ADGRE1: variants seen among roughly 807,000 people sequenced by gnomAD.
The protein encoded by ADGRE1 is EGF-like module receptor 1.
In ADGRE1, 82 loss-of-function variants were observed where a neutral mutation model predicts 102.7. That is an observed-to-expected ratio of 0.80 (90% CI 0.67 to 0.96). ADGRE1 has a LOEUF of 0.96. Among genes scored for constraint, ADGRE1 ranks in the 40% least tolerant of loss-of-function variants. The pLI, the probability that ADGRE1 is intolerant of heterozygous loss-of-function variation, is 0.00. For missense variants in ADGRE1, 1,032 were observed against 1,085.3 expected (o/e 0.95, Z 0.69); for synonymous variants, 398 against 399.6 (o/e 1.00, Z 0.05).
intron 5 of ADGRE1, among the ~76,000 whole-genome samples, chr19:6,899,272 T>C (rs1281524668): frequency 1.3e-5 from 2 of 152,166 alleles, no homozygotes; most frequent in Non-Finnish European, 2.9e-5. Context: ...GTGCTGTGTA[T>C]GGCATCTGAT....
intron 2 of ADGRE1, among the ~76,000 whole-genome samples, chr19:6,893,958 C>A (rs1973465399): frequency 6.6e-6 from 1 of 152,154 alleles, no homozygotes; most frequent in Non-Finnish European, 1.5e-5. Flanking sequence ...ATGTCCCCTT[C>A]CCCCAACTTC....
intron 10 of ADGRE1, among the ~76,000 whole-genome samples, chr19:6,911,745 C>T (rs1380661500): frequency 1.3e-5 from 2 of 151,556 alleles, no homozygotes; most frequent in Non-Finnish European, 2.9e-5. Flanking sequence ...CACATGCACA[C>T]ACAGTATGTA....
intron 17 of ADGRE1, among the ~76,000 whole-genome samples, chr19:6,933,197 G>T (rs1488319885): frequency 1.3e-5 from 2 of 152,118 alleles, no homozygotes; most frequent in African/African-American, 4.8e-5. Flanking sequence ...CTCCAGCCTG[G>T]GAGACAAGAG....
At chr19:6,904,272 C>G in intron 8 of ADGRE1, 90 bp downstream of exon 8, 3 of 1,491,552 alleles carry the variant, frequency 2.0e-6, no homozygotes, top group Non-Finnish European at 2.7e-6. Flanking sequence ...GGATCTTCCT[C>G]TTAGTGTTGC....
intron 16 of ADGRE1, among the ~76,000 whole-genome samples, chr19:6,927,936 A>G (rs1249906155): frequency 6.6e-6 from 1 of 152,184 alleles, no homozygotes; most frequent in African/African-American, 2.4e-5. Flanking sequence ...GCACTAGGTA[A>G]ACATTTCAGG....
chr19:6,908,832 G>A (rs113384291), intron 10 of ADGRE1, 60 bp downstream of exon 10: 1 of 1,520,618 alleles, frequency 6.6e-7, no homozygotes, highest in Non-Finnish European at 9.0e-7. Context: ...CACACTTTGG[G>A]TGCAGAAAGA....
chr19:6,934,764 A>ATTTTTTTT (rs371829373), intron 17 of ADGRE1, among the ~76,000 whole-genome samples: 5 of 136,822 alleles, frequency 3.7e-5, no homozygotes, highest in African/African-American at 8.1e-5. Flanking sequence ...TGCATGGCTA[A>ATTTTTTTT]TTTTTTTTTT....
intron 9 of ADGRE1, among the ~76,000 whole-genome samples, chr19:6,907,340 A>AT (rs1358956907): frequency 2.4e-5 from 3 of 125,704 alleles, no homozygotes; most frequent in East Asian, 2.5e-4. Flanking sequence ...TAGTTCTAGA[A>AT]ATTTTTTTTT....
intron 15 of ADGRE1, among the ~76,000 whole-genome samples, chr19:6,925,891 T>A (rs375150950): frequency 1.5e-4 from 22 of 151,026 alleles, no homozygotes; most frequent in Non-Finnish European, 7.4e-5. Context: ...GAGAGGGGGG[T>A]TTCATCATGT....
chr19:6,923,489 C>CA (rs1197301503), intron 14 of ADGRE1, among the ~76,000 whole-genome samples: 2 of 152,064 alleles, frequency 1.3e-5, no homozygotes, highest in East Asian at 3.9e-4. Context: ...GTGTCTTGTC[C>CA]AAAATCACAC....
At chr19:6,929,256 T>C (rs750948634) in intron 17 of ADGRE1, among the ~76,000 whole-genome samples, 5 of 152,144 alleles carry the variant, frequency 3.3e-5, no homozygotes, top group Admixed American at 6.5e-5. Context: ...TCTCTGTGTC[T>C]TGCAAGAGAG....
At chr19:6,920,672 G>T (rs1243697514) in intron 13 of ADGRE1, among the ~76,000 whole-genome samples, 3 of 151,674 alleles carry the variant, frequency 2.0e-5, no homozygotes, top group Non-Finnish European at 2.9e-5. Context: ...CACATGCCCA[G>T]CTAACTTTTT....
At chr19:6,898,797 AG>A in intron 5 of ADGRE1, 1 of 471,380 alleles carries the variant, frequency 2.1e-6, no homozygotes, top group South Asian at 4.6e-5. Flanking sequence ...ATTGGGGCTC[AG>A]AGAGGTAAAA....
At chr19:6,915,981 A>G (rs1307279567) in intron 11 of ADGRE1, among the ~76,000 whole-genome samples, 1 of 149,416 alleles carries the variant, frequency 6.7e-6, no homozygotes, top group Non-Finnish European at 1.5e-5. Context: ...GCCTTCCATC[A>G]CTGTTGACTT....
At chr19:6,929,141 G>A (rs1440623071) in intron 17 of ADGRE1, among the ~76,000 whole-genome samples, 1 of 152,160 alleles carries the variant, frequency 6.6e-6, no homozygotes, top group Non-Finnish European at 1.5e-5. Flanking sequence ...AATAATGCCT[G>A]AGGTTCGTTG....
In ADGRE1 at chr19:6,904,210, A is replaced by G. The variant is rs765250252; in HGVS notation, c.949+28A>G. 2.5e-6 allele frequency: 4 copies of G among 1,608,768 alleles called. No homozygotes were observed. In the South Asian group the frequency reaches 4.4e-5, roughly 18 times the overall value. ...AATAATCTCTTTGTATGTCTTGGCA[A>G]TGGAATCTGTTTCTGGCTTTGGTTG... On this transcript the variant is annotated intron_variant, in intron 8 of 20. Coordinates refer to ENST00000312053, the MANE Select transcript of ADGRE1 (RefSeq NM_001974.5).
chr19:6,904,282 C>A, intron 8 of ADGRE1, 100 bp downstream of exon 8: 1 of 1,416,336 alleles, frequency 7.1e-7, no homozygotes, highest in African/African-American at 1.4e-5. Context: ...CTTAGTGTTG[C>A]CTCATCCACA....
intron 17 of ADGRE1, among the ~76,000 whole-genome samples, chr19:6,931,015 C>T (rs1353933065): frequency 1.3e-5 from 2 of 151,894 alleles, no homozygotes; most frequent in Non-Finnish European, 2.9e-5. Flanking sequence ...AATACTAGAT[C>T]TTATTCATTC....
Position 6,919,545 on chromosome 19 carries a change from C to CAG in ADGRE1, c.1422_1423dup. On this transcript the variant is annotated splice_region_variant and splice_polypyrimidine_tract_variant and intron_variant, in intron 12 of 20. Transcript: ENST00000312053. ...CCTTTTTTTCATTTGGGGAAACCTG[C>CAG]AGAGACCACTGGTGTGGCTTTTGTC... 6.2e-7 allele frequency: 1 copy of CAG among 1,606,284 alleles called. No homozygotes were observed. The highest frequency in any genetic ancestry group is 8.5e-7 in the Non-Finnish European group (1 of 1,176,422).
Sources: allele counts gnomAD v4.1 joint callset (sites outside exome capture counted in the v4.1 genomes callset), GRCh38; gene constraint gnomAD v4.1.1; transcripts MANE v1.5; gene names NCBI Gene and HGNC (gene_info 2026-07-23, HGNC 2026-07-21).